CCDC73: variants seen among roughly 807,000 people sequenced by gnomAD.
CCDC73 encodes the protein coiled-coil domain containing 73, also known as coiled-coil domain-containing protein 73.
A neutral mutation model predicts 116.5 loss-of-function variants in CCDC73; 95 were observed. The observed-to-expected ratio is 0.82, with a 90% CI of 0.69 to 0.97. The LOEUF (loss-of-function observed/expected upper bound fraction) is 0.97. Ranked by LOEUF, CCDC73 falls within the 50% of genes least tolerant of loss-of-function variation. CCDC73 has a pLI of 0.00. For missense variants in CCDC73, 1,066 were observed against 1,206.8 expected (o/e 0.88, Z 1.73); for synonymous variants, 398 against 401.3 (o/e 0.99, Z 0.10).
intron 6 of CCDC73, among the ~76,000 whole-genome samples, chr11:32,690,012 C>T (rs1435364122): frequency 1.3e-5 from 2 of 151,848 alleles, no homozygotes; most frequent in Non-Finnish European, 2.9e-5. Context: ...AAGAAAATTA[C>T]ATAAGATGCT....
intron 11 of CCDC73, 54 bp from the exon 12 acceptor site, chr11:32,653,281 TA>T (rs1210800908): frequency 2.7e-6 from 3 of 1,124,696 alleles, no homozygotes; most frequent in Non-Finnish European, 3.9e-6. Flanking sequence ...GGTATGTTTC[TA>T]AAATCATTCT....
chr11:32,776,161 C>T (rs1429575487), intron 1 of CCDC73, among the ~76,000 whole-genome samples: 1 of 152,098 alleles, frequency 6.6e-6, no homozygotes, highest in Non-Finnish European at 1.5e-5. Flanking sequence ...TTCTAATTTG[C>T]TCTTAGATTC....
intron 1 of CCDC73, among the ~76,000 whole-genome samples, chr11:32,778,265 G>T (rs571028805): frequency 6.6e-6 from 1 of 152,122 alleles, no homozygotes; most frequent in Non-Finnish European, 1.5e-5. Context: ...CAGCAATCCT[G>T]TGTTTTAACA....
intron 14 of CCDC73, among the ~76,000 whole-genome samples, chr11:32,624,485 C>T (rs1172191026): frequency 2.6e-5 from 4 of 152,098 alleles, no homozygotes; most frequent in African/African-American, 9.7e-5. Flanking sequence ...GGGAAGTGGA[C>T]AGATTAATTA....
chr11:32,818,333 A>T, the CCDC73 span, among the ~76,000 whole-genome samples: 4 of 152,234 alleles, frequency 2.6e-5, no homozygotes, highest in Non-Finnish European at 5.9e-5. Context: ...ACTAGCTGTC[A>T]GCCCTTGAGC....
chr11:32,789,151 G>T (rs7927900), intron 1 of CCDC73, among the ~76,000 whole-genome samples: 86,285 of 151,880 alleles, frequency 0.57, 24,886 homozygotes, highest in East Asian at 0.84. Context: ...AACAGTTAAT[G>T]GAGAAGGATT....
rs544243512 is a variant in CCDC73, at chr11:32,614,453, C to A, written c.1865G>T (p.Ser622Ile). ...EHALEKEITN[S>I]DQTKADLDSS... ...GTCCAAATCTGCTTTGGTTTGGTCA[C>A]TATTTGTAATTTCCTTCTCTAGAGC... The change falls in exon 16 of 18, where the codon AGT (serine) becomes ATT (isoleucine). Residue 622 changes from serine to isoleucine, a missense_variant. By Grantham distance (142) the Ser-to-Ile change is moderately radical. Coordinates refer to ENST00000335185, the MANE Select transcript of CCDC73 (RefSeq NM_001008391.4). 6.2e-7 allele frequency: 1 copy of A among 1,613,452 alleles called. No homozygotes were observed. Among genetic ancestry groups the A allele is most frequent in the South Asian group, 1.1e-5 (1 of 91,058 alleles).
intron 3 of CCDC73, among the ~76,000 whole-genome samples, chr11:32,704,306 T>G (rs1849837480): frequency 6.6e-6 from 1 of 152,248 alleles, no homozygotes; most frequent in African/African-American, 2.4e-5. Context: ...GACCTCTCCC[T>G]GCTCTCCATG....
the CCDC73 span, among the ~76,000 whole-genome samples, chr11:32,799,796 T>A: frequency 6.6e-6 from 1 of 152,174 alleles, no homozygotes; most frequent in Non-Finnish European, 1.5e-5. Context: ...GAATAACTTA[T>A]ATGCACGAAG....
intron 9 of CCDC73, among the ~76,000 whole-genome samples, chr11:32,670,461 G>C (rs544943962): frequency 1.9e-4 from 29 of 151,548 alleles, no homozygotes; most frequent in African/African-American, 7.0e-4. Context: ...GGCGGAGCTT[G>C]CAGTGAGCCA....
intron 1 of CCDC73, among the ~76,000 whole-genome samples, chr11:32,776,550 T>A (rs1370393044): frequency 6.6e-6 from 1 of 152,116 alleles, no homozygotes; most frequent in African/African-American, 2.4e-5. Context: ...ATTTTTTTAC[T>A]CACTCCACTT....
chr11:32,706,648 A>G, intron 3 of CCDC73, among the ~76,000 whole-genome samples: 1 of 152,168 alleles, frequency 6.6e-6, no homozygotes, highest in Admixed American at 6.5e-5. Flanking sequence ...TTATTCTCAA[A>G]CTTGCAAAGA....
chr11:32,613,047 T>C (rs1855436094), intron 16 of CCDC73, among the ~76,000 whole-genome samples: 1 of 152,052 alleles, frequency 6.6e-6, no homozygotes, highest in African/African-American at 2.4e-5. Context: ...TTATTACTTA[T>C]AAAACAGAAG....
intron 3 of CCDC73, among the ~76,000 whole-genome samples, chr11:32,705,572 A>C (rs1849849121): frequency 6.6e-6 from 1 of 152,154 alleles, no homozygotes; most frequent in South Asian, 2.1e-4. Context: ...TGCTCTTGGC[A>C]GGCATGGGAT....
chr11:32,757,434 C>T (rs970941538), intron 2 of CCDC73, among the ~76,000 whole-genome samples: 1 of 152,088 alleles, frequency 6.6e-6, no homozygotes, highest in Non-Finnish European at 1.5e-5. Flanking sequence ...AGACCAATGA[C>T]AGATAGATAT....
rs752895602 is a variant in CCDC73 at position 32,653,119 on chromosome 11, G to A, written c.939+4C>T. On this transcript the variant is annotated splice_donor_region_variant and intron_variant, in intron 12 of 17. Transcript: ENST00000335185. The stretch of plus-strand genomic sequence containing the variant: ...AGACAGACAGACAGACAGATAGAAC[G>A]AACCTGATTATTTTCTTTTAGCACC... 2.6e-5 allele frequency: 41 copies of A among 1,566,244 alleles called. No individual in the cohort carries two copies. The highest frequency in any genetic ancestry group is 1.7e-4 in the Middle Eastern group (1 of 5,992).
At chr11:32,637,200 A>G (rs1437586417) in intron 13 of CCDC73, among the ~76,000 whole-genome samples, 1 of 151,420 alleles carries the variant, frequency 6.6e-6, no homozygotes, top group Non-Finnish European at 1.5e-5. Flanking sequence ...TTGTGTTTTT[A>G]GAGAGTTTCA....
chr11:32,816,523 T>C, the CCDC73 span, among the ~76,000 whole-genome samples: 1 of 152,146 alleles, frequency 6.6e-6, no homozygotes, highest in Non-Finnish European at 1.5e-5. Context: ...TAGACTCTGA[T>C]GCCCAAAGTC....
intron 14 of CCDC73, among the ~76,000 whole-genome samples, chr11:32,624,339 A>C (rs1261499078): frequency 6.6e-6 from 1 of 151,838 alleles, no homozygotes; most frequent in Non-Finnish European, 1.5e-5. Flanking sequence ...ATCTCCAAAT[A>C]AAAAATAAAA....
Sources: gnomAD v4.1 joint callset for allele counts (sites outside exome capture counted in the v4.1 genomes callset) on GRCh38, gnomAD v4.1.1 for gene constraint, MANE v1.5 for transcripts, NCBI Gene and HGNC (gene_info 2026-07-23, HGNC 2026-07-21) for gene names.